Variants in SNX9 observed in about 807,000 individuals in gnomAD.
The protein encoded by SNX9 is sorting nexin-9.
A neutral mutation model predicts 89.4 loss-of-function variants in SNX9; 44 were observed. The observed-to-expected ratio is 0.49, with a 90% CI of 0.39 to 0.63. The LOEUF (loss-of-function observed/expected upper bound fraction) is 0.63, where lower values mean the gene tolerates loss of function less well. Ranked by LOEUF, SNX9 falls within the 30% of genes least tolerant of loss-of-function variation. The pLI, the probability that SNX9 is intolerant of heterozygous loss-of-function variation, is 0.00. For missense variants in SNX9, 578 were observed against 736.1 expected, an observed-to-expected ratio of 0.79 and a Z score of 2.49; for synonymous variants, 236 against 247.8, an observed-to-expected ratio of 0.95 and a Z score of 0.45.
In SNX9 at chr6:157,880,126, G is replaced by C. The variant is rs551314960; in HGVS notation, c.300+4950G>C. On this transcript the variant is annotated intron_variant, in intron 4 of 17. Coordinates refer to ENST00000392185, the MANE Select transcript of SNX9 (RefSeq NM_016224.5). ...CCGCCAGTCCCCAGGTGAGTGGTGT[G>C]GTGGGAAGCATGTAAGCTTTGCTGT... is the stretch of plus-strand genomic sequence containing the variant. Among the ~76,000 whole-genome samples, 5 of 152,284 alleles carry C rather than the reference G, an allele frequency of 3.3e-5. No homozygotes were observed. The South Asian group carries it at 1.0e-3, about 32-fold the overall frequency.
intron 9 of SNX9, 76 bp from the exon 10 acceptor site, chr6:157,921,455 G>C (rs1783579172): frequency 6.7e-7 from 1 of 1,484,354 alleles, no homozygotes. Flanking sequence ...CATAGAAATG[G>C]TTTTTCAGTT....
intron 1 of SNX9, among the ~76,000 whole-genome samples, chr6:157,832,277 G>A (rs1157497921): frequency 5.3e-5 from 8 of 152,198 alleles, no homozygotes; most frequent in Non-Finnish European, 1.0e-4. Context: ...AGGGGGAAAT[G>A]CAGCTTCATT....
chr6:157,852,884 G>A (rs1158160003), intron 1 of SNX9, among the ~76,000 whole-genome samples: 3 of 152,002 alleles, frequency 2.0e-5, no homozygotes, highest in Non-Finnish European at 4.4e-5. Context: ...TTGTATTTTT[G>A]TCATACATTT....
chr6:157,895,782 G>C (rs1051521442), intron 4 of SNX9, among the ~76,000 whole-genome samples: 3 of 152,174 alleles, frequency 2.0e-5, no homozygotes, highest in Non-Finnish European at 4.4e-5. Flanking sequence ...CATTGTTTCA[G>C]AGTTCCTGCA....
In SNX9 at chr6:157,927,930, A is replaced by AACACACAC. The variant is rs71689763; in HGVS notation, c.1185-653_1185-646dup. Among the ~76,000 whole-genome samples the AACACACAC allele has an allele frequency of 2.7e-3, 400 of 148,980 alleles. 2 individuals carry two copies. Among genetic ancestry groups the AACACACAC allele is most frequent in the Middle Eastern group, 3.5e-3 (1 of 288 alleles). On this transcript the variant is annotated intron_variant, in intron 11 of 17. Transcript: ENST00000392185. ...TGTGTTACCAAAAGTATAGACAAGT[A>AACACACAC]ACACACACACACACACACACACATA...
At chr6:157,858,333 A>G (rs2115127101) in intron 1 of SNX9, among the ~76,000 whole-genome samples, 1 of 146,350 alleles carries the variant, frequency 6.8e-6, no homozygotes, top group Non-Finnish European at 1.5e-5. Context: ...CGCAGCCTCC[A>G]CCACCCGGGT....
intron 4 of SNX9, among the ~76,000 whole-genome samples, chr6:157,891,537 A>T (rs1159017088): frequency 1.3e-5 from 2 of 152,178 alleles, no homozygotes; most frequent in African/African-American, 4.8e-5. Flanking sequence ...AAAGAGTAAG[A>T]TATATTTCAT....
chr6:157,884,053 C>T (rs1037663799), intron 4 of SNX9, among the ~76,000 whole-genome samples: 2 of 152,136 alleles, frequency 1.3e-5, no homozygotes, highest in Admixed American at 6.6e-5. Flanking sequence ...TGAATCCCTG[C>T]CTTGGAGAAG....
intron 3 of SNX9, chr6:157,874,182 A>AT (rs1025377288): frequency 6.6e-6 from 1 of 152,306 alleles, no homozygotes; most frequent in African/African-American, 2.4e-5. Flanking sequence ...GTGGGGAGTC[A>AT]TGACCCCTCA....
intron 1 of SNX9, among the ~76,000 whole-genome samples, chr6:157,835,212 C>A (rs551151092): frequency 1.3e-5 from 2 of 152,094 alleles, no homozygotes; most frequent in African/African-American, 2.4e-5. Context: ...GGGGTTTCAC[C>A]ATATTGGCCA....
chr6:157,842,258 A>G (rs61328457), intron 1 of SNX9, among the ~76,000 whole-genome samples: 4,830 of 152,302 alleles, frequency 0.032, 256 homozygotes, highest in African/African-American at 0.11. Context: ...TGACATTTGT[A>G]TGAGTCTGCC....
At chr6:157,909,537 C>A in intron 7 of SNX9, 128 bp from the exon 8 acceptor site, 1 of 1,096,030 alleles carries the variant, frequency 9.1e-7, no homozygotes, top group Non-Finnish European at 1.3e-6. Context: ...ATGTACCTTT[C>A]AAAGAGGAAC....
At chr6:157,826,775 A>AAT (rs1164833012) in intron 1 of SNX9, among the ~76,000 whole-genome samples, 2 of 111,782 alleles carry the variant, frequency 1.8e-5, no homozygotes, top group Admixed American at 2.0e-4. Context: ...ATGATATATA[A>AAT]ATATATTATA....
At chr6:157,941,727 G>C (rs1218477387) in intron 17 of SNX9, among the ~76,000 whole-genome samples, 1 of 152,182 alleles carries the variant, frequency 6.6e-6, no homozygotes, top group African/African-American at 2.4e-5. Context: ...CTGCGAGCTG[G>C]ACACTGCTGA....
At chr6:157,871,630 A>T (rs1782413996) in intron 2 of SNX9, among the ~76,000 whole-genome samples, 1 of 152,168 alleles carries the variant, frequency 6.6e-6, no homozygotes, top group Non-Finnish European at 1.5e-5. Context: ...ATACCTATGT[A>T]ACAAACCTGC....
intron 1 of SNX9, chr6:157,829,489 T>C (rs1182378569): frequency 6.6e-6 from 1 of 152,222 alleles, no homozygotes; most frequent in African/African-American, 2.4e-5. Context: ...GTGTCTATTC[T>C]GTATGCTCTA....
chr6:157,890,125 T>C (rs1782826030), intron 4 of SNX9, among the ~76,000 whole-genome samples: 1 of 152,232 alleles, frequency 6.6e-6, no homozygotes, highest in South Asian at 2.1e-4. Context: ...TTCCAATAGC[T>C]TCCTAAAGGG....
intron 15 of SNX9, 56 bp downstream of exon 15, chr6:157,937,579 G>A (rs2115218660): frequency 7.0e-6 from 8 of 1,149,692 alleles, no homozygotes; most frequent in Non-Finnish European, 1.1e-5. Flanking sequence ...AGGCAGATGT[G>A]CGCAGTAGTC....
chr6:157,870,541 TCAGA>T (rs1237358747), intron 2 of SNX9, among the ~76,000 whole-genome samples: 1 of 139,012 alleles, frequency 7.2e-6, no homozygotes, highest in Non-Finnish European at 1.5e-5. Context: ...CGCACACCCC[TCAGA>T]CACTCTCACC....
Sources: allele counts gnomAD v4.1 joint callset (sites outside exome capture counted in the v4.1 genomes callset), GRCh38; gene constraint gnomAD v4.1.1; transcripts MANE v1.5; gene names NCBI Gene and HGNC (gene_info 2026-07-23, HGNC 2026-07-21).